ADGRL2: variants seen among roughly 807,000 people sequenced by gnomAD.
ADGRL2 encodes the protein adhesion G protein-coupled receptor L2, also known as calcium-independent alpha-latrotoxin receptor 2.
Under a neutral mutation model 157.4 loss-of-function variants are expected in ADGRL2, and 44 were observed. That is an observed-to-expected ratio of 0.28 (90% CI 0.22 to 0.36). The LOEUF (loss-of-function observed/expected upper bound fraction) is 0.36. Among genes scored for constraint, ADGRL2 ranks in the 10% least tolerant of loss-of-function variants. The pLI is 1.00. For synonymous variants in ADGRL2, 585 were observed against 624.7 expected, an observed-to-expected ratio of 0.94 and a Z score of 0.95; for missense variants, 1,510 against 1,768.9, an observed-to-expected ratio of 0.85 and a Z score of 2.63.
chr1:81,729,795 G>C (rs989861820), intron 1 of ADGRL2, among the ~76,000 whole-genome samples: 1 of 152,082 alleles, frequency 6.6e-6, no homozygotes, highest in African/African-American at 2.4e-5. Flanking sequence ...TTTAAATCAA[G>C]CCATCTCCAT....
At chr1:81,658,638 A>T (rs2148869983) in intron 3 of ADGRL2, among the ~76,000 whole-genome samples, 2 of 151,774 alleles carry the variant, frequency 1.3e-5, no homozygotes, top group African/African-American at 4.8e-5. Flanking sequence ...ACGTTATTTA[A>T]CTCCCTCTTA....
chr1:81,893,298 T>C (rs1490166884), intron 2 of ADGRL2, among the ~76,000 whole-genome samples: 1 of 152,238 alleles, frequency 6.6e-6, no homozygotes, highest in African/African-American at 2.4e-5. Flanking sequence ...TTGCTTGTTT[T>C]TGTGACTTAT....
chr1:81,363,293 G>T (rs2076009249), intron 1 of ADGRL2, among the ~76,000 whole-genome samples: 1 of 152,082 alleles, frequency 6.6e-6, no homozygotes, highest in Middle Eastern at 3.2e-3. Context: ...CTACAGTCAA[G>T]TGTACGAAAG....
At chr1:81,349,584 T>TCC (rs1662727060) in intron 1 of ADGRL2, among the ~76,000 whole-genome samples, 1 of 133,434 alleles carries the variant, frequency 7.5e-6, no homozygotes, top group South Asian at 2.7e-4. Flanking sequence ...TGCACCAATC[T>TCC]CTTTTAAAAG....
chr1:81,957,468 G>A (rs1653892282), intron 11 of ADGRL2, among the ~76,000 whole-genome samples: 1 of 152,166 alleles, frequency 6.6e-6, no homozygotes, highest in African/African-American at 2.4e-5. Flanking sequence ...GGAGGCCGAG[G>A]CAGGCACATT....
intron 2 of ADGRL2, among the ~76,000 whole-genome samples, chr1:81,543,789 C>T (rs2079947451): frequency 6.6e-6 from 1 of 152,200 alleles, no homozygotes; most frequent in Admixed American, 6.5e-5. Flanking sequence ...TCACCATGTC[C>T]TGAGAAGCCA....
chr1:81,427,218 G>A (rs2077233945), intron 1 of ADGRL2: 1 of 787,244 alleles, frequency 1.3e-6, no homozygotes, highest in South Asian at 1.3e-5. Context: ...TTTGGTGGAA[G>A]AGGAGGCTAT....
intron 1 of ADGRL2, among the ~76,000 whole-genome samples, chr1:81,435,625 A>T (rs886837628): frequency 2.0e-5 from 3 of 152,232 alleles, no homozygotes; most frequent in African/African-American, 7.2e-5. Context: ...TTAATTCAAG[A>T]TGGTTAATTT....
chr1:81,618,494 T>C (rs911376197), intron 3 of ADGRL2, among the ~76,000 whole-genome samples: 2 of 152,240 alleles, frequency 1.3e-5, no homozygotes, highest in Non-Finnish European at 2.9e-5. Context: ...AAGGGGACCA[T>C]ATTTTTATGA....
chr1:81,559,817 C>T (rs766391358), intron 2 of ADGRL2, among the ~76,000 whole-genome samples: 9 of 152,096 alleles, frequency 5.9e-5, no homozygotes, highest in Non-Finnish European at 1.2e-4. Flanking sequence ...TTGTGTAGTA[C>T]CTCACACGGC....
chr1:81,461,859 C>T (rs938402884), intron 2 of ADGRL2, among the ~76,000 whole-genome samples: 3 of 143,560 alleles, frequency 2.1e-5, no homozygotes, highest in African/African-American at 7.7e-5. Flanking sequence ...TTAAAACCTG[C>T]CAGTAGGCAA....
chr1:81,420,230 A>G (rs919505400), intron 1 of ADGRL2, among the ~76,000 whole-genome samples: 2 of 152,170 alleles, frequency 1.3e-5, no homozygotes, highest in South Asian at 2.1e-4. Flanking sequence ...TAATATCACA[A>G]TTCTCATCAG....
At chr1:81,855,689 T>C (rs1197226579) in intron 2 of ADGRL2, among the ~76,000 whole-genome samples, 1 of 152,142 alleles carries the variant, frequency 6.6e-6, no homozygotes, top group Non-Finnish European at 1.5e-5. Context: ...TACATCCCCA[T>C]ATTTTGAAAT....
At chr1:81,972,974 GA>G (rs1251567264) in intron 17 of ADGRL2, among the ~76,000 whole-genome samples, 3 of 150,194 alleles carry the variant, frequency 2.0e-5, no homozygotes, top group Non-Finnish European at 4.4e-5. Context: ...TATTAACTCT[GA>G]AAAGGAAACA....
chr1:81,970,380 C>A lies in ADGRL2; in HGVS notation c.2800C>A (p.Leu934Ile), dbSNP rs557212148. The change falls in exon 16 of 24, where the codon CTA becomes ATA. Residue 934 changes from leucine to isoleucine, a missense_variant. Around this residue, in one of 4 missense-constraint regions of ADGRL2, gnomAD observed 497 missense variants for 627.2 expected, o/e 0.79. Transcript: ENST00000686636. Reference sequence around the variant, plus strand: ...TTTGGCAGCTTTTGCTTGGATGTGCCTAGAAGGTGTGCAGCTCTACCTAAT... The same window carrying A: ...TTTGGCAGCTTTTGCTTGGATGTGCATAGAAGGTGTGCAGCTCTACCTAAT... ...FFLAAFAWMC[L>I]EGVQLYLMLV... 1 of 1,593,102 alleles carries A rather than the reference C, an allele frequency of 6.3e-7. No individual in the cohort carries two copies. Among genetic ancestry groups the A allele is most frequent in the South Asian group, 1.2e-5 (1 of 86,892 alleles).
intron 2 of ADGRL2, among the ~76,000 whole-genome samples, chr1:81,472,407 C>T (rs1210661516): frequency 9.2e-5 from 14 of 152,292 alleles, no homozygotes; most frequent in Middle Eastern, 3.4e-3. Context: ...CCGAGGCAGG[C>T]GGATTGCCTG....
rs11576873 is a variant in ADGRL2, at chr1:81,631,575, G to T, written c.-143+50595G>T. Among the ~76,000 whole-genome samples the T allele has an allele frequency of 9.2e-5, 14 of 152,200 alleles. No homozygotes were observed. The East Asian group carries it at 1.7e-3, about 19-fold the overall frequency. ...CAAACTTGACTGCATTTGGAATTAC[G>T]CACCGATATCTAGGTCCCATCACCA... On this transcript the variant is annotated intron_variant, in intron 3 of 24. Transcript: ENST00000370721.
intron 2 of ADGRL2, among the ~76,000 whole-genome samples, chr1:81,544,992 G>A (rs907480481): frequency 2.6e-4 from 40 of 152,112 alleles, no homozygotes; most frequent in African/African-American, 9.6e-4. Flanking sequence ...AAGAGCCTGG[G>A]TATACGACAA....
intron 1 of ADGRL2, among the ~76,000 whole-genome samples, chr1:81,736,034 T>G (rs1351166869): frequency 6.9e-6 from 1 of 144,016 alleles, no homozygotes; most frequent in Non-Finnish European, 1.5e-5. Flanking sequence ...TCCCAGCTAC[T>G]AGGGAGGCTG....
Sources: gnomAD v4.1 joint callset for allele counts (sites outside exome capture counted in the v4.1 genomes callset) on GRCh38, gnomAD v4.1.1 for gene constraint, gnomAD v4.1.1 regional missense constraint, MANE v1.5 for transcripts, NCBI Gene and HGNC (gene_info 2026-07-23, HGNC 2026-07-21) for gene names.